The following C13orf46 variants were observed in gnomAD, a reference collection of about 807,000 sequenced individuals.
C13orf46 encodes uncharacterized protein C13orf46.
At chr13:113,960,842 C>T (rs2052581047) in intron 6 of C13orf46, among the ~76,000 whole-genome samples, 2 of 152,246 alleles carry the variant, frequency 1.3e-5, no homozygotes, top group African/African-American at 4.8e-5. Context: ...ATGGGCTTCC[C>T]TCAAGGAGAG....
chr13:113,962,823 G>A (rs2052597885), intron 6 of C13orf46, among the ~76,000 whole-genome samples: 1 of 152,140 alleles, frequency 6.6e-6, no homozygotes, highest in East Asian at 1.9e-4. Context: ...AGGAAACGAT[G>A]AGAAAAATAG....
At chr13:113,939,061 C>T in the C13orf46 span, among the ~76,000 whole-genome samples, 924 of 152,266 alleles carry the variant, frequency 6.1e-3, 10 homozygotes, top group African/African-American at 0.021. Context: ...GTGCCTTTCA[C>T]CCTGTTGTAA....
intron 6 of C13orf46, among the ~76,000 whole-genome samples, chr13:113,963,421 C>T (rs2052606138): frequency 7.2e-6 from 1 of 139,520 alleles, no homozygotes; most frequent in Non-Finnish European, 1.5e-5. Flanking sequence ...CTGTCCTCAG[C>T]CTCGGCCCTG....
At chr13:113,945,612 G>GAA in the C13orf46 span, among the ~76,000 whole-genome samples, 1 of 87,822 alleles carries the variant, frequency 1.1e-5, no homozygotes, top group African/African-American at 4.1e-5. Flanking sequence ...AAAGAAGAAA[G>GAA]AAAGAAAGAA....
chr13:113,937,256 C>T, the C13orf46 span, among the ~76,000 whole-genome samples: 3,386 of 152,308 alleles, frequency 0.022, 93 homozygotes, highest in South Asian at 0.066. Flanking sequence ...CAGGACTCTC[C>T]TCCCAGGGAT....
At chr13:113,968,372 C>A (rs2052670446) in intron 4 of C13orf46, 95 bp downstream of exon 4, 1 of 152,192 alleles carries the variant, frequency 6.6e-6, no homozygotes, top group East Asian at 1.9e-4. Flanking sequence ...AGCTGACCCC[C>A]AGGCCACCGT....
the C13orf46 span, among the ~76,000 whole-genome samples, chr13:113,937,084 G>A: frequency 4.7e-3 from 720 of 152,322 alleles, 10 homozygotes; most frequent in East Asian, 0.049. Context: ...ATGTCTCCCA[G>A]AGTTAGCTTG....
At chr13:113,934,206 G>A in the C13orf46 span, among the ~76,000 whole-genome samples, 1 of 152,232 alleles carries the variant, frequency 6.6e-6, no homozygotes, top group Middle Eastern at 3.2e-3. Context: ...TGTGTGGTGT[G>A]GAGGCACCAC....
the C13orf46 span, among the ~76,000 whole-genome samples, chr13:113,948,703 A>G: frequency 5.3e-5 from 8 of 152,230 alleles, no homozygotes; most frequent in African/African-American, 1.9e-4. Context: ...TGAACGCTCC[A>G]ACAGACCCCT....
Position 113,956,117 on chromosome 13 carries a change from G to T in C13orf46, c.*656C>A, listed in dbSNP as rs1271534931. 41,198 of 149,826 alleles carry T rather than the reference G, an allele frequency of 0.27. 5,600 individuals are homozygous for T. Among genetic ancestry groups the T allele is most frequent in the East Asian group, 0.4 (1,897 of 4,688 alleles). The allele number at this position is 149,826 out of a possible 1,614,324, so 9.3% of individuals were successfully genotyped here. A position where few individuals can be genotyped will look rare whatever the true frequency, so the allele number is the denominator to read the frequency against. Reference sequence around the variant, plus strand: ...GAGTAGTATCTGGCGGAGAGGAGGAGTAGGATCTGGCGGAGAGGAGGAGTA... The same window carrying T: ...GAGTAGTATCTGGCGGAGAGGAGGATTAGGATCTGGCGGAGAGGAGGAGTA... On this transcript the variant is annotated 3_prime_UTR_variant, in exon 7 of 7. Coordinates refer to ENST00000636427, the MANE Select transcript of C13orf46 (RefSeq NM_001365455.2).
chr13:113,927,237 GAGCTCTGGTCAGTGAAACTCTC>G, the C13orf46 span: 1 of 286,862 alleles, frequency 3.5e-6, no homozygotes, highest in Non-Finnish European at 6.5e-6. Context: ...TGGACTCAGG[GAGCTCTGGTCAGTGAAACTCTC>G]AGCTAGGGGC....
rs1334578459 is a variant in C13orf46, at chr13:113,956,171, CGGAGACAAGGAGCATCCGGT to C, written c.*582_*601del. The C allele has an allele frequency of 2.5e-4, 37 of 145,882 alleles. No individual in the cohort carries two copies. The highest frequency in any genetic ancestry group is 8.8e-4 in the African/African-American group (33 of 37,428). 9.0% of individuals were successfully genotyped at this position (145,882 alleles called of 1,614,324 possible). A position where few individuals can be genotyped will look rare whatever the true frequency, so the allele number is the denominator to read the frequency against. ...TTTGGCGAAGAGGAGGAGCATCCGG[CGGAGACAAGGAGCATCCGGT>C]GGAGACGAGGAGCACCCGGTGGAGA... On this transcript the variant is annotated 3_prime_UTR_variant, in exon 7 of 7. Transcript: ENST00000636427.
At chr13:113,960,678 T>TCC (rs1445008820) in intron 6 of C13orf46, among the ~76,000 whole-genome samples, 81 of 152,242 alleles carry the variant, frequency 5.3e-4, no homozygotes, top group Non-Finnish European at 2.4e-4. Flanking sequence ...TCAGGCAACT[T>TCC]CTCATGCTGT....
At chr13:113,951,388 G>A (rs946022985), downstream of C13orf46, among the ~76,000 whole-genome samples, 2 of 152,180 alleles carry the variant, frequency 1.3e-5, no homozygotes, top group African/African-American at 2.4e-5. Flanking sequence ...TGTGGGAGGC[G>A]CCCGACGTCC....
downstream of C13orf46, among the ~76,000 whole-genome samples, chr13:113,949,012 TAGAG>T (rs2052479595): frequency 6.6e-6 from 1 of 152,134 alleles, no homozygotes; most frequent in African/African-American, 2.4e-5. Context: ...ACCATGTAAT[TAGAG>T]AGGAACTTCC....
intron 6 of C13orf46, among the ~76,000 whole-genome samples, chr13:113,962,255 A>G (rs2052593054): frequency 6.6e-6 from 1 of 152,076 alleles, no homozygotes; most frequent in Non-Finnish European, 1.5e-5. Context: ...TACAAAAAAA[A>G]TCTAGCTGGG....
chr13:113,930,443 G>A, the C13orf46 span, among the ~76,000 whole-genome samples: 1 of 151,884 alleles, frequency 6.6e-6, no homozygotes, highest in East Asian at 1.9e-4. Flanking sequence ...GGAGCACTGA[G>A]GCTGAGCTGT....
chr13:113,969,421 C>T (rs1001744793), intron 2 of C13orf46, among the ~76,000 whole-genome samples: 7 of 152,266 alleles, frequency 4.6e-5, no homozygotes, highest in African/African-American at 7.2e-5. Flanking sequence ...CTGAGCTCTA[C>T]GGAGTGGGAG....
chr13:113,956,251 A>G lies in C13orf46; in HGVS notation c.*522T>C, dbSNP rs1417474530. The stretch of plus-strand genomic sequence containing the variant: ...TCTCGAGGAGACGAGGAGCATCTCG[A>G]CGAGAGGAGGAACATCCGGTGGAGA... On this transcript the variant is annotated 3_prime_UTR_variant, in exon 7 of 7. Coordinates refer to ENST00000636427, the MANE Select transcript of C13orf46 (RefSeq NM_001365455.2). 5.9e-5 allele frequency: 9 copies of G among 153,742 alleles called. No homozygotes were observed. Among genetic ancestry groups the G allele is most frequent in the African/African-American group, 2.2e-4 (9 of 40,534 alleles). 9.5% of individuals were successfully genotyped at this position (153,742 alleles called of 1,614,324 possible).
Sources: gnomAD v4.1 joint callset for allele counts (sites outside exome capture counted in the v4.1 genomes callset) on GRCh38, gnomAD v4.1.1 for gene constraint, MANE v1.5 for transcripts, NCBI Gene and HGNC (gene_info 2026-07-23, HGNC 2026-07-21) for gene names.